The following RNF216 variants were observed in gnomAD, a reference collection of about 807,000 sequenced individuals.
RNF216 encodes E3 ubiquitin-protein ligase RNF216.
In RNF216, 72 loss-of-function variants were observed where a neutral mutation model predicts 110.8. The observed-to-expected ratio is 0.65, with a 90% confidence interval of 0.54 to 0.79. The LOEUF (loss-of-function observed/expected upper bound fraction) is 0.79. RNF216 is among the 30% of genes least tolerant of loss of function. RNF216 has a pLI of 0.00. For missense variants in RNF216, 1,342 were observed against 1,141.2 expected, an observed-to-expected ratio of 1.18 and a Z score of -2.54; for synonymous variants, 495 against 407.5, an observed-to-expected ratio of 1.21 and a Z score of -2.59.
chr7:5,720,970 T>G, intron 9 of RNF216, 63 bp downstream of exon 9: 1 of 1,540,698 alleles, frequency 6.5e-7, no homozygotes. Context: ...TTGTACTAAC[T>G]AAACCCTAAG....
chr7:5,683,912 A>G (rs1181089632), intron 13 of RNF216, among the ~76,000 whole-genome samples: 2 of 152,116 alleles, frequency 1.3e-5, no homozygotes, highest in African/African-American at 4.8e-5. Flanking sequence ...TGCACAGAGA[A>G]TAGGGACGGG....
chr7:5,671,134 C>T (rs1789880995), intron 13 of RNF216, among the ~76,000 whole-genome samples: 1 of 152,236 alleles, frequency 6.6e-6, no homozygotes, highest in African/African-American at 2.4e-5. Context: ...TGCCTTTTGC[C>T]AGGCTCCCTA....
rs572232444 is a variant in RNF216 at position 5,739,994 on chromosome 7, C to T, written c.1045-642G>A. Reference sequence around the variant, plus strand: ...CCCCAGCCTGGGTGACAGAGTGAGACTCGGTCTCAAAAAAAAAACAAACCA... The same window carrying T: ...CCCCAGCCTGGGTGACAGAGTGAGATTCGGTCTCAAAAAAAAAACAAACCA... On this transcript the variant is annotated intron_variant, in intron 4 of 16. Transcript: ENST00000389902. 6.4e-5 allele frequency among the ~76,000 whole-genome samples: 6 copies of T among 94,002 alleles called. No homozygotes were observed. In the East Asian group the frequency reaches 2.1e-3, roughly 33 times the overall value. 61.7% of individuals were successfully genotyped at this position (94,002 alleles called of 152,430 possible).
Position 5,680,336 on chromosome 7 carries a change from C to G in RNF216, c.2062-27826G>C, listed in dbSNP as rs557445466. On this transcript the variant is annotated intron_variant, in intron 13 of 16. Transcript: ENST00000389902. The surrounding 1 kb of genome is among the most constrained non-coding windows in gnomAD (Gnocchi z 4.3). ...CATCATAGAATGCGATCCACTCCCC[C>G]AAGCCCAAGTCTCCTACCCGAGTCC... The G allele has an allele frequency of 6.6e-6, 1 of 152,352 alleles. No homozygotes were observed. Among genetic ancestry groups the G allele is most frequent in the South Asian group, 2.1e-4 (1 of 4,826 alleles). The allele number at this position is 152,352 out of a possible 1,614,324, so 9.4% of individuals were successfully genotyped here. A position where few individuals can be genotyped will look rare whatever the true frequency, so the allele number is the denominator to read the frequency against.
At chr7:5,630,781 C>G (rs1192834430) in intron 15 of RNF216, among the ~76,000 whole-genome samples, 1 of 152,222 alleles carries the variant, frequency 6.6e-6, no homozygotes, top group African/African-American at 2.4e-5. Flanking sequence ...CCTGTCTACA[C>G]ACCTCACATG....
intron 15 of RNF216, among the ~76,000 whole-genome samples, chr7:5,630,380 G>C (rs868620002): frequency 6.6e-6 from 1 of 151,996 alleles, no homozygotes; most frequent in Non-Finnish European, 1.5e-5. Context: ...CAATCATCTC[G>C]TACCTTTTTT....
chr7:5,765,068 T>TAA (rs528737623), intron 1 of RNF216, among the ~76,000 whole-genome samples: 89 of 128,506 alleles, frequency 6.9e-4, no homozygotes, highest in Middle Eastern at 4.7e-3. Context: ...AAGACTCTCT[T>TAA]AAAAAAAAAA....
chr7:5,780,968 GAC>G (rs1054460852), intron 1 of RNF216, among the ~76,000 whole-genome samples: 1 of 152,198 alleles, frequency 6.6e-6, no homozygotes, highest in Non-Finnish European at 1.5e-5. Flanking sequence ...CCAGCGCCCG[GAC>G]ACCCGAGCCG....
chr7:5,650,148 C>T (rs999366507), intron 14 of RNF216: 5 of 152,142 alleles, frequency 3.3e-5, no homozygotes, highest in South Asian at 2.1e-4. Flanking sequence ...TCATGATATC[C>T]CTTCCAAAGC....
chr7:5,727,550 G>C (rs1298670663), intron 7 of RNF216, among the ~76,000 whole-genome samples: 1 of 152,024 alleles, frequency 6.6e-6, no homozygotes, highest in Non-Finnish European at 1.5e-5. Context: ...AATCTAGCAA[G>C]ACCCCATTTC....
chr7:5,778,416 G>A (rs899304733), intron 1 of RNF216, among the ~76,000 whole-genome samples: 1 of 152,090 alleles, frequency 6.6e-6, no homozygotes, highest in Non-Finnish European at 1.5e-5. Context: ...ATCACACAAC[G>A]TACCTCATTT....
chr7:5,752,954 G>C lies in RNF216; in HGVS notation c.93C>G (p.Pro31=), dbSNP rs1386490049. Residue 31 remains proline (P), a synonymous_variant, in exon 3 of 17, where the codon CCC becomes CCG. Transcript: ENST00000389902. Reference sequence around the variant, plus strand: ...CATCTGAGGAGTCAGATATGGTGATGGGCCCATCTCGGAGATTGATCCACT... The same window carrying C: ...CATCTGAGGAGTCAGATATGGTGATCGGCCCATCTCGGAGATTGATCCACT... ...GQEWINLRDG[P]ITISDSSDEE... 3.7e-6 allele frequency: 6 copies of C among 1,611,230 alleles called. No individual in the cohort carries two copies. Among genetic ancestry groups the C allele is most frequent in the Non-Finnish European group, 5.1e-6 (6 of 1,178,910 alleles).
At chr7:5,763,747 T>A (rs1796052595) in intron 1 of RNF216, among the ~76,000 whole-genome samples, 1 of 152,054 alleles carries the variant, frequency 6.6e-6, no homozygotes, top group Non-Finnish European at 1.5e-5. Context: ...ATTTTTAAAA[T>A]TTTTTTGTAG....
chr7:5,752,759 G>A, intron 3 of RNF216, 87 bp downstream of exon 3: 6 of 1,391,538 alleles, frequency 4.3e-6, no homozygotes, highest in Non-Finnish European at 6.0e-6. Context: ...AAGAGGTGCT[G>A]TTCTACAACA....
chr7:5,716,328 G>A (rs187572512), intron 10 of RNF216, among the ~76,000 whole-genome samples: 1 of 152,062 alleles, frequency 6.6e-6, no homozygotes, highest in Admixed American at 6.5e-5. Flanking sequence ...TGGCCAACAT[G>A]GTGAAACCCC....
chr7:5,755,209 G>A (rs1326239787), intron 2 of RNF216, among the ~76,000 whole-genome samples: 3 of 117,578 alleles, frequency 2.6e-5, no homozygotes, highest in South Asian at 3.0e-4. Context: ...AGGGAGGGAA[G>A]GAAGAAAGGA....
At chr7:5,677,991 A>C (rs1790413865) in intron 13 of RNF216, among the ~76,000 whole-genome samples, 1 of 152,038 alleles carries the variant, frequency 6.6e-6, no homozygotes, top group Non-Finnish European at 1.5e-5. Context: ...CCAGGGGGTA[A>C]CCAGATTTTG....
chr7:5,625,456 T>A (rs990038865), intron 15 of RNF216, among the ~76,000 whole-genome samples: 2 of 152,206 alleles, frequency 1.3e-5, no homozygotes, highest in Non-Finnish European at 2.9e-5. Context: ...TTCATGCCGA[T>A]CTGATGACAC....
chr7:5,722,432 C>A (rs978342956), intron 8 of RNF216, among the ~76,000 whole-genome samples: 2 of 151,208 alleles, frequency 1.3e-5, no homozygotes, highest in Admixed American at 1.3e-4. Context: ...CTCTGTTGCC[C>A]AGGCAAGGGT....
Sources: allele counts gnomAD v4.1 joint callset (sites outside exome capture counted in the v4.1 genomes callset), GRCh38; gene constraint gnomAD v4.1.1; non-coding constraint Gnocchi (gnomAD v3.1); transcripts MANE v1.5; gene names NCBI Gene and HGNC (gene_info 2026-07-23, HGNC 2026-07-21).